Variants in FHIT observed in about 807,000 individuals in gnomAD.
FHIT encodes the protein bis(5'-adenosyl)-triphosphatase.
In FHIT, 19 loss-of-function variants were observed where a neutral mutation model predicts 17.9. The observed-to-expected ratio is 1.06, with a 90% CI of 0.74 to 1.56. The LOEUF (loss-of-function observed/expected upper bound fraction) is 1.56. Ranked by LOEUF, FHIT falls within the 40% of genes most tolerant of loss-of-function variation. The probability of loss-of-function intolerance (pLI) is 0.00; values close to 1 mark genes in which losing one functional copy is unlikely to be tolerated. For missense variants in FHIT, 248 were observed against 189.2 expected, an observed-to-expected ratio of 1.31 and a Z score of -1.82; for synonymous variants, 81 against 69.7, an observed-to-expected ratio of 1.16 and a Z score of -0.81.
At chr3:60,618,728 G>C (rs2039026708) in intron 4 of FHIT, among the ~76,000 whole-genome samples, 1 of 152,210 alleles carries the variant, frequency 6.6e-6, no homozygotes, top group African/African-American at 2.4e-5. Flanking sequence ...TAAGGGCCTT[G>C]AGATGACCTT....
chr3:60,388,695 C>T (rs530342233), intron 5 of FHIT, among the ~76,000 whole-genome samples: 6 of 152,330 alleles, frequency 3.9e-5, no homozygotes, highest in African/African-American at 1.4e-4. Context: ...TGCATTCATA[C>T]ATTGCTACTT....
At chr3:60,640,670 T>G (rs1428239914) in intron 4 of FHIT, among the ~76,000 whole-genome samples, 1 of 152,152 alleles carries the variant, frequency 6.6e-6, no homozygotes, top group Non-Finnish European at 1.5e-5. Flanking sequence ...AATGCATGGA[T>G]GTCATATGGC....
At chr3:61,250,685 T>TC (rs1248647069) in intron 1 of FHIT, among the ~76,000 whole-genome samples, 2 of 150,568 alleles carry the variant, frequency 1.3e-5, no homozygotes, top group Admixed American at 6.6e-5. Flanking sequence ...CCTTTAAAAT[T>TC]CCCCCCTTTG....
rs560550026 is a variant in FHIT, at chr3:60,206,457, C to A, written c.104-192305G>T. Among the ~76,000 whole-genome samples, 155 of 152,032 alleles carry A rather than the reference C, an allele frequency of 1.0e-3. 1 individual carries two copies. The highest frequency in any genetic ancestry group is 3.5e-3 in the African/African-American group (144 of 41,424). Reference sequence around the variant, plus strand: ...GTAGATGTTGACTTTCCCAGCAGGCCACGATTTATTGCCAAAAGCACAATT... The same window carrying A: ...GTAGATGTTGACTTTCCCAGCAGGCAACGATTTATTGCCAAAAGCACAATT... On this transcript the variant is annotated intron_variant, in intron 5 of 9. Transcript: ENST00000492590.
At chr3:59,929,362 G>GTTTTTTTTTTT (rs1559740305) in intron 7 of FHIT, among the ~76,000 whole-genome samples, 10 of 92,032 alleles carry the variant, frequency 1.1e-4, no homozygotes, top group Non-Finnish European at 1.5e-4. Context: ...TTGTTTTTTT[G>GTTTTTTTTTTT]GTTTTTTTTT....
rs147829799 is a variant in FHIT at position 60,045,060 on chromosome 3, G to C, written c.104-30908C>G. On this transcript the variant is annotated intron_variant, in intron 5 of 9. Transcript: ENST00000492590. ...AAAAACAGCAAAAAAAAGAAAGAAA[G>C]AAACAAAGATGGGGAGTTGTTGCTT... Among the ~76,000 whole-genome samples, 7 of 152,146 alleles carry C rather than the reference G, an allele frequency of 4.6e-5. 1 individual carries two copies. The highest frequency in any genetic ancestry group is 3.9e-4 in the Admixed American group (6 of 15,278).
chr3:59,762,245 ATTGT>A (rs927321127), intron 8 of FHIT, among the ~76,000 whole-genome samples: 2 of 152,174 alleles, frequency 1.3e-5, no homozygotes, highest in Non-Finnish European at 2.9e-5. Context: ...AAACTTATGA[ATTGT>A]TTATTTCTAG....
At chr3:60,998,022 A>T (rs2107597603) in intron 3 of FHIT, among the ~76,000 whole-genome samples, 1 of 152,334 alleles carries the variant, frequency 6.6e-6, no homozygotes, top group African/African-American at 2.4e-5. Context: ...CCTCTGAGAT[A>T]AATATCACTT....
chr3:60,142,547 G>A (rs1277928884), intron 5 of FHIT, among the ~76,000 whole-genome samples: 1 of 152,124 alleles, frequency 6.6e-6, no homozygotes, highest in East Asian at 1.9e-4. Flanking sequence ...TGTCCAGGCT[G>A]CAGTGCAGCA....
chr3:60,504,241 CTGGCCAACA>C (rs1450074636), intron 5 of FHIT, among the ~76,000 whole-genome samples: 1 of 152,120 alleles, frequency 6.6e-6, no homozygotes, highest in African/African-American at 2.4e-5. Flanking sequence ...CGAGACCATC[CTGGCCAACA>C]TGGTGAAACC....
chr3:59,798,281 C>T (rs950609532), intron 8 of FHIT, among the ~76,000 whole-genome samples: 3 of 152,218 alleles, frequency 2.0e-5, no homozygotes, highest in Non-Finnish European at 2.9e-5. Flanking sequence ...AGCTTAATCA[C>T]TAACGGTAGA....
intron 2 of FHIT, among the ~76,000 whole-genome samples, chr3:61,190,445 G>A (rs2038677030): frequency 6.6e-6 from 1 of 152,198 alleles, no homozygotes; most frequent in Non-Finnish European, 1.5e-5. Context: ...GTGCTAGAGA[G>A]GATGTGGAGA....
intron 5 of FHIT, among the ~76,000 whole-genome samples, chr3:60,528,121 A>G (rs60626381): frequency 0.13 from 19,690 of 152,148 alleles, 1,595 homozygotes; most frequent in South Asian, 0.22. Flanking sequence ...CTACAGATGC[A>G]TGCCATCACA....
At chr3:60,344,683 G>A (rs901791942) in intron 5 of FHIT, among the ~76,000 whole-genome samples, 1 of 152,080 alleles carries the variant, frequency 6.6e-6, no homozygotes, top group African/African-American at 2.4e-5. Context: ...TGACTTTTAG[G>A]GTTTGTCAGG....
intron 2 of FHIT, among the ~76,000 whole-genome samples, chr3:61,100,007 G>A (rs1321298952): frequency 6.6e-6 from 1 of 152,028 alleles, no homozygotes; most frequent in African/African-American, 2.4e-5. Flanking sequence ...GTGAAGTGGT[G>A]TCATATTGTG....
intron 7 of FHIT, among the ~76,000 whole-genome samples, chr3:59,932,776 G>T (rs1706040186): frequency 6.6e-6 from 1 of 151,994 alleles, no homozygotes. Flanking sequence ...CACTTCAAGT[G>T]GCTTCTTCCA....
chr3:61,038,031 T>A (rs2033339851), intron 3 of FHIT, among the ~76,000 whole-genome samples: 6 of 152,188 alleles, frequency 3.9e-5, no homozygotes. Context: ...TGGAAAATAA[T>A]TAACAGAATT....
chr3:60,710,586 G>A (rs371040677), intron 4 of FHIT, among the ~76,000 whole-genome samples: 86 of 152,326 alleles, frequency 5.6e-4, no homozygotes, highest in African/African-American at 2.0e-3. Context: ...ACGCTTTTCC[G>A]ATGGGCTTAG....
chr3:60,367,394 T>A (rs1237333924), intron 5 of FHIT, among the ~76,000 whole-genome samples: 2 of 152,220 alleles, frequency 1.3e-5, no homozygotes, highest in African/African-American at 4.8e-5. Flanking sequence ...TAGTGAATTT[T>A]CTAGAGAATG....
Sources: gnomAD v4.1 joint callset for allele counts (sites outside exome capture counted in the v4.1 genomes callset) on GRCh38, gnomAD v4.1.1 for gene constraint, MANE v1.5 for transcripts, NCBI Gene and HGNC (gene_info 2026-07-23, HGNC 2026-07-21) for gene names.